DNAH3: variants seen among roughly 807,000 people sequenced by gnomAD.
DNAH3 encodes dynein axonemal heavy chain 3.
A neutral mutation model predicts 432.5 loss-of-function variants in DNAH3; 332 were observed. The observed-to-expected ratio is 0.77, with a 90% CI of 0.70 to 0.84. The LOEUF is 0.84. Among genes scored for constraint, DNAH3 ranks in the 40% least tolerant of loss-of-function variants. DNAH3 has a pLI of 0.00. For synonymous variants in DNAH3, 1,956 were observed against 1,900.2 expected, an observed-to-expected ratio of 1.03 and a Z score of -0.76; for missense variants, 4,861 against 5,114.0, an observed-to-expected ratio of 0.95 and a Z score of 1.51.
exon 32 of DNAH3, chr16:21,042,065 C>T (rs139414318): frequency 1.2e-5 from 20 of 1,613,776 alleles, no homozygotes; most frequent in East Asian, 4.5e-5. Context: ...CCAGCATACC[C>T]GGGGTTCATG....
At chr16:21,019,922 A>T in intron 40 of DNAH3, 53 bp from the exon 41 acceptor site, 1 of 1,592,670 alleles carries the variant, frequency 6.3e-7, no homozygotes, top group Non-Finnish European at 8.6e-7. Context: ...CCACAGATGT[A>T]AGGGCTGTGA....
rs1370366367 is a variant in DNAH3, at chr16:21,081,890, G to A, written c.2878-163C>T. Among the ~76,000 whole-genome samples, 3 of 152,052 alleles carry A rather than the reference G, an allele frequency of 2.0e-5. No homozygotes were observed. In the East Asian group the frequency reaches 5.8e-4, roughly 29 times the overall value. On this transcript the variant is annotated intron_variant, in intron 19 of 61. Coordinates refer to ENST00000261383, the Ensembl canonical transcript of DNAH3. Reference sequence around the variant, plus strand: ...CCAGAGATGTGGCTAGTGTGACTGAGGAATTTATTTTTAAATTAAATTAAA... The same window carrying A: ...CCAGAGATGTGGCTAGTGTGACTGAAGAATTTATTTTTAAATTAAATTAAA...
At chr16:20,943,108 T>C (rs2083889774) in intron 58 of DNAH3, among the ~76,000 whole-genome samples, 6 of 151,612 alleles carry the variant, frequency 4.0e-5, no homozygotes, top group Admixed American at 3.9e-4. Context: ...TAAGACAGGG[T>C]CTCACTCTGT....
In DNAH3 at chr16:21,153,765, A is replaced by C. The variant is rs145721868; in HGVS notation, c.117+5560T>G. On this transcript the variant is annotated intron_variant, in intron 1 of 61. Coordinates refer to ENST00000261383, the Ensembl canonical transcript of DNAH3. Reference sequence around the variant, plus strand: ...CGCTACCTTAAGAGCTGTAACACTCACCGCGAGGGCCCACGGCTTCATTCT... The same window carrying C: ...CGCTACCTTAAGAGCTGTAACACTCCCCGCGAGGGCCCACGGCTTCATTCT... Among the ~76,000 whole-genome samples the C allele has an allele frequency of 5.0e-3, 767 of 152,152 alleles. 11 individuals carry two copies. The highest frequency in any genetic ancestry group is 0.017 in the African/African-American group (686 of 41,504).
At chr16:20,957,060 ACT>A (rs1166431369) in intron 54 of DNAH3, among the ~76,000 whole-genome samples, 1 of 151,734 alleles carries the variant, frequency 6.6e-6, no homozygotes, top group Non-Finnish European at 1.5e-5. Flanking sequence ...CTTCTCTTAA[ACT>A]CTCTCTCTTT....
At chr16:21,117,700 G>A (rs2092239376) in intron 11 of DNAH3, among the ~76,000 whole-genome samples, 1 of 152,168 alleles carries the variant, frequency 6.6e-6, no homozygotes, top group Admixed American at 6.5e-5. Context: ...TTAGATGAAT[G>A]TGTAATGAGA....
At chr16:21,041,912 AT>A in intron 32 of DNAH3, 114 bp downstream of exon 32, 7 of 1,192,230 alleles carry the variant, frequency 5.9e-6, no homozygotes, top group Non-Finnish European at 7.3e-6. Context: ...ACCTCAGGTG[AT>A]TTGCCCACCT....
chr16:20,939,481 AGG>A (rs2083722076), intron 59 of DNAH3, among the ~76,000 whole-genome samples: 3 of 152,044 alleles, frequency 2.0e-5, no homozygotes, highest in Non-Finnish European at 4.4e-5. Context: ...GCGTGGTGGC[AGG>A]CACCTGTAAT....
chr16:21,067,883 T>C (rs559383717), intron 23 of DNAH3, among the ~76,000 whole-genome samples: 11 of 151,976 alleles, frequency 7.2e-5, no homozygotes, highest in Non-Finnish European at 1.5e-4. Flanking sequence ...TTCTGGGTTC[T>C]AGATCCATCT....
intron 18 of DNAH3, among the ~76,000 whole-genome samples, chr16:21,088,495 T>C (rs1194268109): frequency 6.6e-6 from 1 of 152,172 alleles, no homozygotes; most frequent in Non-Finnish European, 1.5e-5. Flanking sequence ...CTGGTTATGA[T>C]TATCTAGAGA....
intron 41 of DNAH3, among the ~76,000 whole-genome samples, chr16:21,006,203 C>T (rs2087295650): frequency 6.6e-6 from 1 of 152,190 alleles, no homozygotes; most frequent in Non-Finnish European, 1.5e-5. Context: ...TCTAGCCTTG[C>T]ATACTTTATT....
At chr16:20,950,010 TTTA>T (rs902160381) in intron 56 of DNAH3, among the ~76,000 whole-genome samples, 5 of 152,152 alleles carry the variant, frequency 3.3e-5, no homozygotes, top group African/African-American at 1.2e-4. Context: ...TTCACTTCTA[TTTA>T]TTATTATTAC....
chr16:20,952,141 G>T (rs2084343714), intron 56 of DNAH3, among the ~76,000 whole-genome samples: 1 of 152,182 alleles, frequency 6.6e-6, no homozygotes, highest in South Asian at 2.1e-4. Flanking sequence ...GCCTTCCAAA[G>T]TGCTGAGATT....
intron 44 of DNAH3, among the ~76,000 whole-genome samples, chr16:20,991,698 A>G (rs909997320): frequency 3.3e-5 from 5 of 152,140 alleles, no homozygotes; most frequent in Non-Finnish European, 5.9e-5. Context: ...TTGATTACAT[A>G]CTTATGATGC....
chr16:21,102,100 G>A (rs1408581998), intron 16 of DNAH3, among the ~76,000 whole-genome samples: 1 of 152,164 alleles, frequency 6.6e-6, no homozygotes, highest in Non-Finnish European at 1.5e-5. Flanking sequence ...AATGCAACAT[G>A]ATGGACATAA....
At chr16:21,093,501 C>T (rs1023475703) in intron 18 of DNAH3, among the ~76,000 whole-genome samples, 2 of 152,084 alleles carry the variant, frequency 1.3e-5, no homozygotes, top group Admixed American at 6.6e-5. Context: ...GAATTCTTTC[C>T]AAATTTATCT....
chr16:21,142,055 A>T (rs1183495967), intron 3 of DNAH3, among the ~76,000 whole-genome samples: 1 of 151,414 alleles, frequency 6.6e-6, no homozygotes, highest in Non-Finnish European at 1.5e-5. Flanking sequence ...TCCGTCTCAA[A>T]AATAAATAAA....
intron 13 of DNAH3, 52 bp downstream of exon 13, chr16:21,111,941 T>C: frequency 6.4e-7 from 1 of 1,555,406 alleles, no homozygotes; most frequent in Non-Finnish European, 8.8e-7. Context: ...GCTCATTGGA[T>C]TGTCTGCAGC....
At position 21,111,608 on chromosome 16, in the gene DNAH3, T is replaced by G; in HGVS notation, c.2099+18A>C. On this transcript the variant is annotated intron_variant, in intron 14 of 61. Coordinates refer to ENST00000261383, the Ensembl canonical transcript of DNAH3. ...GTGCCAAATACCATTGCTATTTGTC[T>G]GCACAGAATTACAATACCTGGTATT... The G allele has an allele frequency of 1.9e-6, 3 of 1,600,810 alleles. No individual in the cohort carries two copies. The highest frequency in any genetic ancestry group is 2.6e-6 in the Non-Finnish European group (3 of 1,169,464).
Sources: gnomAD v4.1 joint callset for allele counts (sites outside exome capture counted in the v4.1 genomes callset) on GRCh38, gnomAD v4.1.1 for gene constraint, MANE v1.5 for transcripts, NCBI Gene and HGNC (gene_info 2026-07-23, HGNC 2026-07-21) for gene names.